The following DHX16 variants were observed in gnomAD, a reference collection of about 807,000 sequenced individuals.
The protein encoded by DHX16 is DEAH-box helicase 16.
In DHX16, 81 loss-of-function variants were observed where a neutral mutation model predicts 131.2. The ratio of observed to expected loss-of-function variants is 0.62; its 90% CI spans 0.52 to 0.74. The LOEUF (loss-of-function observed/expected upper bound fraction) is 0.74, where lower values mean the gene tolerates loss of function less well. Ranked by LOEUF, DHX16 falls within the 30% of genes least tolerant of loss-of-function variation. DHX16 has a pLI of 0.00. For missense variants in DHX16, 980 were observed against 1,363.1 expected, an observed-to-expected ratio of 0.72 and a Z score of 4.43; for synonymous variants, 440 against 520.2, an observed-to-expected ratio of 0.85 and a Z score of 2.10.
chr6:30,665,153 G>C lies in DHX16; in HGVS notation c.1043C>G (p.Ser348Cys), dbSNP rs746785622. Residue 348 changes from serine (S) to cysteine (C), a missense_variant, in exon 6 of 20, where the codon TCT becomes TGT. By Grantham distance (112) the Ser-to-Cys change is moderately radical. This residue lies in a region of DHX16 where 457 missense variants were observed against 554.8 expected (regional missense o/e 0.82). Coordinates refer to ENST00000376442, the MANE Select transcript of DHX16 (RefSeq NM_003587.5). The surrounding 1 kb of genome is among the most constrained non-coding windows in gnomAD (Gnocchi z 4.8). ...SLKFGARDAA[S>C]QEPKYQLVLE... ...CACCAGTTGATACTTGGGCTCCTGA[G>C]AGGCAGCATCTCGGGCCCCAAACTT... The C allele has an allele frequency of 5.0e-6, 8 of 1,613,604 alleles. No individual in the cohort carries two copies. In the Admixed American group the frequency reaches 1.3e-4, roughly 27 times the overall value.
chr6:30,672,544 T>G, intron 1 of DHX16, 91 bp downstream of exon 1: 4 of 1,190,016 alleles, frequency 3.4e-6, no homozygotes, highest in Non-Finnish European at 4.8e-6. Context: ...GAATAAGTGC[T>G]TGTGAACTGA....
In DHX16 at chr6:30,659,742, T is replaced by C; in HGVS notation, c.1848A>G (p.Thr616=). ...TCCCCACCATGTCAGGCACCTGTCC[T>C]GTCAGGAACACCAGGATATCCCCAG... ...QPPGDILVFL[T]GQEEIEAACE... The change falls in exon 11 of 20, where the codon ACA becomes ACG. Residue 616 remains threonine (T), a synonymous_variant. Coordinates refer to ENST00000376442, the MANE Select transcript of DHX16 (RefSeq NM_003587.5). The C allele has an allele frequency of 1.2e-6, 2 of 1,614,032 alleles. No individual in the cohort carries two copies. Among genetic ancestry groups the C allele is most frequent in the Non-Finnish European group, 1.7e-6 (2 of 1,179,960 alleles).
At chr6:30,653,520 G>T in intron 19 of DHX16, 150 bp from the exon 20 acceptor site, 1 of 762,754 alleles carries the variant, frequency 1.3e-6, no homozygotes, top group Non-Finnish European at 1.9e-6. Flanking sequence ...CAGTCCTACT[G>T]CCTCAGCCTC....
chr6:30,670,627 G>A lies in DHX16; in HGVS notation c.610-161C>T, dbSNP rs1278700361. ...CTGATTGCAGGTACAGCAGACAGTT[G>A]TCTTAGCCACAGGATGCACAGGGCT... On this transcript the variant is annotated intron_variant, in intron 3 of 19. Coordinates refer to ENST00000376442, the MANE Select transcript of DHX16 (RefSeq NM_003587.5). This position sits in a 1 kb window ranked among gnomAD's most constrained non-coding sequence, Gnocchi z 4.4. 2.0e-5 allele frequency among the ~76,000 whole-genome samples: 3 copies of A among 152,178 alleles called. No individual in the cohort carries two copies. Among genetic ancestry groups the A allele is most frequent in the Non-Finnish European group, 4.4e-5 (3 of 68,028 alleles).
At position 30,665,091 on chromosome 6, in the gene DHX16, T is replaced by C. The variant is rs1296587824; in HGVS notation, c.1105A>G (p.Thr369Ala). The C allele has an allele frequency of 1.9e-6, 3 of 1,613,932 alleles. No homozygotes were observed. The highest frequency in any genetic ancestry group is 1.1e-5 in the South Asian group (1 of 91,046). ...CTTACCTCATCACCCTGGAGCTGAG[T>C]GGCCCGGACAAACTCAATGGTCTCC... is the stretch of plus-strand genomic sequence containing the variant. ...EEETIEFVRA[T>A]QLQGDEEPSA... The change falls in exon 6 of 20, where the codon ACT (threonine) becomes GCT (alanine). Residue 369 changes from threonine (T) to alanine (A), a missense_variant. Around this residue, in one of 3 missense-constraint regions of DHX16, gnomAD observed 457 missense variants for 554.8 expected, o/e 0.82. Transcript: ENST00000376442. This position sits in a 1 kb window ranked among gnomAD's most constrained non-coding sequence, Gnocchi z 4.8.
intron 9 of DHX16, among the ~76,000 whole-genome samples, chr6:30,661,408 T>G (rs1768508132): frequency 6.6e-6 from 1 of 151,850 alleles, no homozygotes. Flanking sequence ...AAAAAAAAAG[T>G]GGAAGGCAGG....
At chr6:30,661,738 C>A (rs1226589699) in intron 9 of DHX16, 1 of 717,534 alleles carries the variant, frequency 1.4e-6, no homozygotes, top group Admixed American at 2.0e-5. Flanking sequence ...TCCCTGACCT[C>A]AACTCTTTGT....
chr6:30,668,091 C>A (rs192191865), intron 4 of DHX16, among the ~76,000 whole-genome samples: 311 of 152,312 alleles, frequency 2.0e-3, no homozygotes, highest in African/African-American at 6.9e-3. Flanking sequence ...TACTGTTCAA[C>A]TTCCTGACTG....
Position 30,665,577 on chromosome 6 carries a change from G to A in DHX16, c.823C>T (p.Arg275Ter), listed in dbSNP as rs759683664. 1.2e-5 allele frequency: 19 copies of A among 1,612,960 alleles called. No homozygotes were observed. The highest frequency in any genetic ancestry group is 1.5e-5 in the Non-Finnish European group (18 of 1,180,028). The change falls in exon 5 of 20, where the codon CGA becomes TGA. Residue 275 changes from arginine to a stop codon, truncating the protein, a stop_gained. Coordinates refer to ENST00000376442, the MANE Select transcript of DHX16 (RefSeq NM_003587.5). LOFTEE classifies it high-confidence loss of function. The surrounding 1 kb of genome is among the most constrained non-coding windows in gnomAD (Gnocchi z 4.8). ...TACTCCCGGGCGAGATCCCGCACTC[G>A]CCGCTTATATTTGAGCTCCTGCCGC... The part of the protein sequence containing the change: ...HERQELKYKR[R>*]VRDLAREYRA...
intron 4 of DHX16, among the ~76,000 whole-genome samples, chr6:30,668,624 C>T (rs974177186): frequency 1.3e-5 from 2 of 151,862 alleles, no homozygotes; most frequent in African/African-American, 4.8e-5. Context: ...GCACTCCAGC[C>T]TGGGCGACAG....
chr6:30,663,680 C>A, intron 7 of DHX16, among the ~76,000 whole-genome samples: 1 of 145,032 alleles, frequency 6.9e-6, no homozygotes, highest in South Asian at 2.2e-4. Flanking sequence ...AAGATCATGC[C>A]ACCGCACTCC....
chr6:30,663,082 G>A (rs1768675219), intron 7 of DHX16, 61 bp from the exon 8 acceptor site: 18 of 1,302,322 alleles, frequency 1.4e-5, no homozygotes, highest in Non-Finnish European at 1.8e-5. Context: ...CTGGGACCAG[G>A]TACATTTCAG....
Position 30,665,694 on chromosome 6 carries a change from C to T in DHX16, c.706G>A (p.Ala236Thr). Residue 236 changes from alanine to threonine, a missense_variant, in exon 5 of 20, where the codon GCT becomes ACT. Ala to Thr is a moderately conservative substitution (Grantham distance 58). Coordinates refer to ENST00000376442, the MANE Select transcript of DHX16 (RefSeq NM_003587.5). This position sits in a 1 kb window ranked among gnomAD's most constrained non-coding sequence, Gnocchi z 4.8. Reference sequence around the variant, plus strand: ...TCAAGCTTCTCTCGCTCCCGCTTAGCCAGGTACTCTCGGCGAGATTTCTTC... The same window carrying T: ...TCAAGCTTCTCTCGCTCCCGCTTAGTCAGGTACTCTCGGCGAGATTTCTTC... ...LRKKSRREYL[A>T]KREREKLEDL... The T allele has an allele frequency of 1.2e-6, 2 of 1,611,992 alleles. No homozygotes were observed. The highest frequency in any genetic ancestry group is 2.2e-5 in the South Asian group (2 of 91,086).
intron 12 of DHX16, among the ~76,000 whole-genome samples, chr6:30,658,788 G>A (rs546540642): frequency 2.8e-4 from 43 of 152,212 alleles, no homozygotes; most frequent in African/African-American, 1.0e-3. Flanking sequence ...ATTGTTTTTA[G>A]CCTTGTCTCC....
chr6:30,659,405 C>A (rs1031478544), intron 12 of DHX16, 67 bp downstream of exon 12: 3 of 1,513,242 alleles, frequency 2.0e-6, no homozygotes, highest in Non-Finnish European at 2.7e-6. Context: ...ATGGGGCAGG[C>A]ACACAGCTTT....
At chr6:30,661,839 CG>C in intron 9 of DHX16, 1 of 718,020 alleles carries the variant, frequency 1.4e-6, no homozygotes, top group Non-Finnish European at 2.6e-6. Flanking sequence ...GACACTCTTG[CG>C]CTGGCTGGCT....
At chr6:30,663,194 T>A (rs1768684073) in intron 7 of DHX16, among the ~76,000 whole-genome samples, 173 bp from the exon 8 acceptor site, 1 of 152,032 alleles carries the variant, frequency 6.6e-6, no homozygotes, top group Non-Finnish European at 1.5e-5. Flanking sequence ...CCTAGGGCCC[T>A]CAAAGGGGGT....
At position 30,670,779 on chromosome 6, in the gene DHX16, C is replaced by T. The variant is rs761318329; in HGVS notation, c.609+11G>A. On this transcript the variant is annotated intron_variant, in intron 3 of 19. Coordinates refer to ENST00000376442, the MANE Select transcript of DHX16 (RefSeq NM_003587.5). The surrounding 1 kb of genome is among the most constrained non-coding windows in gnomAD (Gnocchi z 4.4). The stretch of plus-strand genomic sequence containing the variant: ...TCTTGGGGATTTACAGAACATGCTG[C>T]TCCTATTCACCTTCTTGTCTGACCG... 6.2e-7 allele frequency: 1 copy of T among 1,612,772 alleles called. No homozygotes were observed. The highest frequency in any genetic ancestry group is 8.5e-7 in the Non-Finnish European group (1 of 1,180,010).
chr6:30,667,284 C>CAA (rs1354630803), intron 4 of DHX16, among the ~76,000 whole-genome samples: 2 of 152,020 alleles, frequency 1.3e-5, no homozygotes, highest in African/African-American at 4.8e-5. Flanking sequence ...ATGACAGAAT[C>CAA]AAAAAATCAC....
Sources: allele counts gnomAD v4.1 joint callset (sites outside exome capture counted in the v4.1 genomes callset), GRCh38; gene constraint gnomAD v4.1.1; regional missense constraint gnomAD v4.1.1; non-coding constraint Gnocchi (gnomAD v3.1); transcripts MANE v1.5; gene names NCBI Gene and HGNC (gene_info 2026-07-23, HGNC 2026-07-21).